SLC25A32: variants seen among roughly 807,000 people sequenced by gnomAD.
SLC25A32 encodes Glycine auxotroph B, complementation of hamster.
A neutral mutation model predicts 39.0 loss-of-function variants in SLC25A32; 32 were observed. That is an observed-to-expected ratio of 0.82 (90% CI 0.62 to 1.10). The LOEUF (loss-of-function observed/expected upper bound fraction) is 1.10. Ranked by LOEUF, SLC25A32 falls within the 50% of genes least tolerant of loss-of-function variation. SLC25A32 has a pLI of 0.00. For missense variants in SLC25A32, 367 were observed against 395.3 expected (o/e 0.93, Z 0.61); for synonymous variants, 166 against 152.4 (o/e 1.09, Z -0.66).
At chr8:103,406,049 ATGTGTG>A (rs376348142) in intron 2 of SLC25A32, among the ~76,000 whole-genome samples, 1 of 145,960 alleles carries the variant, frequency 6.9e-6, no homozygotes, top group Admixed American at 6.8e-5. Context: ...CAAATTCATG[ATGTGTG>A]TGTGTGTGTG....
At position 103,399,357 on chromosome 8, in the gene SLC25A32, T is replaced by C. The variant is rs1816167561; in HGVS notation, c.*1054A>G. ...CTAAATAAAGGTTGACACAGCTGGATCCTAGAAGCTCAGATTTTATAAATT... is the reference window on the plus strand; with the variant it reads ...CTAAATAAAGGTTGACACAGCTGGACCCTAGAAGCTCAGATTTTATAAATT... On this transcript the variant is annotated 3_prime_UTR_variant, in exon 7 of 7. Coordinates refer to ENST00000297578, the MANE Select transcript of SLC25A32 (RefSeq NM_030780.5). 1 of 152,218 alleles carries C rather than the reference T, an allele frequency of 6.6e-6. No individual in the cohort carries two copies. Among genetic ancestry groups the C allele is most frequent in the Admixed American group, 6.5e-5 (1 of 15,290 alleles). The allele number at this position is 152,218 out of a possible 1,614,324, so 9.4% of individuals were successfully genotyped here. A position where few individuals can be genotyped will look rare whatever the true frequency, so the allele number is the denominator to read the frequency against.
At chr8:103,400,951 G>T (rs917468858) in intron 6 of SLC25A32, among the ~76,000 whole-genome samples, 1 of 152,080 alleles carries the variant, frequency 6.6e-6, no homozygotes, top group Non-Finnish European at 1.5e-5. Flanking sequence ...CAATAATATG[G>T]AATACGGCCT....
rs1245230183 is a variant in SLC25A32, at chr8:103,401,525, T to C, written c.803A>G (p.Lys268Arg). The C allele has an allele frequency of 1.2e-6, 2 of 1,612,530 alleles. No homozygotes were observed. The highest frequency in any genetic ancestry group is 1.3e-5 in the African/African-American group (1 of 74,964). Reference sequence around the variant, plus strand: ...TAGCACGTGCTCTCACCTCCATGTCTTTGTGATTACATCTATTACACCACT... The same window carrying C: ...TAGCACGTGCTCTCACCTCCATGTCCTTGTGATTACATCTATTACACCACT... ...FYSGVIDVIT[K>R]TWRKEGVGGF... The change falls in exon 6 of 7, where the codon AAG (lysine) becomes AGG (arginine). Residue 268 changes from lysine (K) to arginine (R), a missense_variant. By Grantham distance (26) the Lys-to-Arg change is conservative. Transcript: ENST00000297578.
intron 2 of SLC25A32, 31 bp from the exon 3 acceptor site, chr8:103,404,892 T>C (rs1363534744): frequency 6.9e-7 from 1 of 1,440,898 alleles, no homozygotes; most frequent in African/African-American, 1.4e-5. Context: ...CAGTTTAATT[T>C]GAATAGGTGT....
Position 103,403,295 on chromosome 8 carries a change from A to C in SLC25A32, c.421T>G (p.Leu141Val), listed in dbSNP as rs780135338. The change falls in exon 4 of 7, where the codon TTA (leucine) becomes GTA (valine). Residue 141 changes from leucine to valine, a missense_variant. By Grantham distance (32) the Leu-to-Val change is conservative (BLOSUM62 1). Coordinates refer to ENST00000297578, the MANE Select transcript of SLC25A32 (RefSeq NM_030780.5). ...GAMTLCITNP[L>V]WVTKTRLMLQ... ...ATAAGGCGAGTTTTTGTTACCCATA[A>C]TGGGTTTGTAATGCAGAGGGTCATG... 49 of 1,612,538 alleles carry C rather than the reference A, an allele frequency of 3.0e-5. No homozygotes were observed. The highest frequency in any genetic ancestry group is 4.1e-5 in the Non-Finnish European group (48 of 1,179,224).
intron 2 of SLC25A32, among the ~76,000 whole-genome samples, chr8:103,405,600 T>C (rs1816312167): frequency 6.6e-6 from 1 of 152,174 alleles, no homozygotes; most frequent in Non-Finnish European, 1.5e-5. Flanking sequence ...ATCAGCCTAT[T>C]TCCTTTAATG....
rs1341612088 is a variant in SLC25A32 at position 103,403,295 on chromosome 8, AT to A, written c.420del (p.Leu141TyrfsTer3). The A allele has an allele frequency of 3.7e-6, 6 of 1,612,422 alleles. No individual in the cohort carries two copies. Among genetic ancestry groups the A allele is most frequent in the Non-Finnish European group, 5.1e-6 (6 of 1,179,232 alleles). ...AGAMTLCITN[P>X]LWVTKTRLML... ...ATAAGGCGAGTTTTTGTTACCCATA[AT>A]GGGTTTGTAATGCAGAGGGTCATGG... On this transcript the variant is annotated frameshift_variant, in exon 4 of 7. Transcript: ENST00000297578. LOFTEE classifies it high-confidence loss of function.
intron 6 of SLC25A32, among the ~76,000 whole-genome samples, chr8:103,401,152 A>C (rs3098260): frequency 0.15 from 22,566 of 152,250 alleles, 1,861 homozygotes; most frequent in East Asian, 0.34. Context: ...TGCAAAAGTT[A>C]TGGTGCCAGT....
chr8:103,408,560 AGAG>A (rs1340382421), intron 1 of SLC25A32, among the ~76,000 whole-genome samples: 1 of 152,216 alleles, frequency 6.6e-6, no homozygotes, highest in Non-Finnish European at 1.5e-5. Flanking sequence ...AAGAAAATGC[AGAG>A]GATGGGGTAA....
chr8:103,405,944 C>T (rs1816320400), intron 2 of SLC25A32, among the ~76,000 whole-genome samples: 1 of 152,048 alleles, frequency 6.6e-6, no homozygotes, highest in Admixed American at 6.6e-5. Flanking sequence ...GCTGGGATTA[C>T]AGGTGTGAGC....
chr8:103,414,649 C>G, intron 1 of SLC25A32, 135 bp downstream of exon 1: 1 of 1,272,612 alleles, frequency 7.9e-7, no homozygotes, highest in Non-Finnish European at 1.1e-6. Context: ...TTCCTCAAAT[C>G]TAGTTCAGGT....
rs879775436 is a variant in SLC25A32, at chr8:103,412,227, G to A, written c.154+2557C>T. On this transcript the variant is annotated intron_variant, in intron 1 of 6. Transcript: ENST00000297578. ...CCACATACTTACACAACTTTACTCG[G>A]CACTACTGTTACTGAATTTTACGTT... Among the ~76,000 whole-genome samples, 24 of 152,232 alleles carry A rather than the reference G, an allele frequency of 1.6e-4. 2 individuals are homozygous for A. The highest frequency in any genetic ancestry group is 1.3e-3 in the Admixed American group (20 of 15,300).
chr8:103,401,442 T>C (rs904214067), intron 6 of SLC25A32, 74 bp downstream of exon 6: 45 of 1,390,694 alleles, frequency 3.2e-5, no homozygotes, highest in Non-Finnish European at 4.3e-5. Flanking sequence ...GCTATAAAAC[T>C]AGTATCAACA....
Position 103,415,002 on chromosome 8 carries a change from G to C in SLC25A32, c.-65C>G, listed in dbSNP as rs1032698210. 3 of 1,583,958 alleles carry C rather than the reference G, an allele frequency of 1.9e-6. No individual in the cohort carries two copies. The highest frequency in any genetic ancestry group is 2.7e-5 in the African/African-American group (2 of 73,992). On this transcript the variant is annotated 5_prime_UTR_variant, in exon 1 of 7. Coordinates refer to ENST00000297578, the MANE Select transcript of SLC25A32 (RefSeq NM_030780.5). ...GGAGGTGGGACGCGATGCAGTGGCC[G>C]CCACCGTGGCGACGGTCGCCCCTTG...
At chr8:103,408,954 G>A (rs1255522350) in intron 1 of SLC25A32, among the ~76,000 whole-genome samples, 1 of 152,090 alleles carries the variant, frequency 6.6e-6, no homozygotes, top group Non-Finnish European at 1.5e-5. Flanking sequence ...TAGTCTTCTT[G>A]CTAATTTTGT....
intron 1 of SLC25A32, among the ~76,000 whole-genome samples, chr8:103,408,762 A>C (rs1816396254): frequency 6.6e-6 from 1 of 152,194 alleles, no homozygotes. Context: ...ATTGATGCCC[A>C]CACCAGATAC....
At chr8:103,404,729 A>C (rs763712787) in intron 3 of SLC25A32, 47 bp downstream of exon 3, 3 of 1,413,826 alleles carry the variant, frequency 2.1e-6, no homozygotes, top group South Asian at 2.4e-5. Context: ...CAAAACTGAA[A>C]ATTAAGTTTG....
In SLC25A32 at chr8:103,400,118, T is replaced by C; in HGVS notation, c.*293A>G. On this transcript the variant is annotated 3_prime_UTR_variant, in exon 7 of 7. Coordinates refer to ENST00000297578, the MANE Select transcript of SLC25A32 (RefSeq NM_030780.5). ...TAATCCATTTAGCAAATGTTGCAAA[T>C]CAGCTTCCACCAATAAAACGTAGAA... 1 of 360,352 alleles carries C rather than the reference T, an allele frequency of 2.8e-6. No homozygotes were observed. The highest frequency in any genetic ancestry group is 5.0e-6 in the Non-Finnish European group (1 of 198,622). The allele number at this position is 360,352 out of a possible 1,614,324, so 22.3% of individuals were successfully genotyped here.
intron 2 of SLC25A32, among the ~76,000 whole-genome samples, chr8:103,406,760 T>G (rs1427768435): frequency 6.6e-6 from 1 of 152,262 alleles, no homozygotes; most frequent in Non-Finnish European, 1.5e-5. Flanking sequence ...CCCTAAGGTC[T>G]ATCCTCTCTG....
Sources: gnomAD v4.1 joint callset for allele counts (sites outside exome capture counted in the v4.1 genomes callset) on GRCh38, gnomAD v4.1.1 for gene constraint, MANE v1.5 for transcripts, NCBI Gene and HGNC (gene_info 2026-07-23, HGNC 2026-07-21) for gene names.